The following MACROD2 variants were observed in gnomAD, a reference collection of about 807,000 sequenced individuals.
MACROD2 encodes the protein mono-ADP ribosylhydrolase 2, also known as ADP-ribose glycohydrolase MACROD2.
MACROD2 carries 36 observed loss-of-function variants against 70.4 expected under a neutral mutation model. The ratio of observed to expected loss-of-function variants is 0.51; its 90% CI spans 0.39 to 0.68. MACROD2 has a LOEUF of 0.68. Among genes scored for constraint, MACROD2 ranks in the 30% least tolerant of loss-of-function variants. MACROD2 has a pLI of 0.00. For missense variants in MACROD2, 496 were observed against 538.4 expected, an observed-to-expected ratio of 0.92 and a Z score of 0.78; for synonymous variants, 172 against 178.8, an observed-to-expected ratio of 0.96 and a Z score of 0.30.
chr20:15,478,544 T>C, intron 7 of MACROD2, among the ~76,000 whole-genome samples: 1 of 53,040 alleles, frequency 1.9e-5, no homozygotes, highest in Non-Finnish European at 3.3e-5. Context: ...CATGACTGTG[T>C]GTGTGTGTCT....
chr20:15,813,794 A>C (rs6131725), intron 8 of MACROD2, among the ~76,000 whole-genome samples: 31,758 of 151,992 alleles, frequency 0.21, 3,529 homozygotes, highest in East Asian at 0.33. Context: ...AACAACAACA[A>C]CACAATATCT....
chr20:14,564,973 A>G (rs1979685339), intron 4 of MACROD2, among the ~76,000 whole-genome samples: 1 of 151,968 alleles, frequency 6.6e-6, no homozygotes, highest in African/African-American at 2.4e-5. Flanking sequence ...AAAATATGGC[A>G]TATATATACC....
intron 15 of MACROD2, among the ~76,000 whole-genome samples, chr20:15,996,774 TACC>T (rs2066638056): frequency 6.6e-6 from 1 of 152,190 alleles, no homozygotes. Context: ...AAAAAATCAT[TACC>T]AAGACCAACA....
intron 13 of MACROD2, among the ~76,000 whole-genome samples, chr20:15,969,770 G>T (rs1023019680): frequency 3.3e-5 from 5 of 152,064 alleles, no homozygotes; most frequent in Non-Finnish European, 7.4e-5. Flanking sequence ...CAATTGGGCA[G>T]AAGCAATAGT....
intron 8 of MACROD2, among the ~76,000 whole-genome samples, chr20:15,620,439 T>G (rs1471510755): frequency 6.6e-6 from 1 of 152,158 alleles, no homozygotes; most frequent in African/African-American, 2.4e-5. Flanking sequence ...ATCTTGTTAG[T>G]TAACCTCTCT....
intron 3 of MACROD2, among the ~76,000 whole-genome samples, chr20:14,477,856 G>A (rs181112940): frequency 6.6e-6 from 1 of 152,168 alleles, no homozygotes; most frequent in Non-Finnish European, 1.5e-5. Context: ...TTATTGCACT[G>A]GAATTGAAAA....
chr20:14,827,202 T>A (rs752223003), intron 5 of MACROD2, among the ~76,000 whole-genome samples: 1 of 152,096 alleles, frequency 6.6e-6, no homozygotes. Context: ...TCCAACTACA[T>A]TAAAAAATTA....
chr20:14,337,719 T>C, intron 3 of MACROD2: 1 of 392,538 alleles, frequency 2.5e-6, no homozygotes, highest in East Asian at 3.6e-5. Context: ...TTCAGTGAGG[T>C]AACTGGATAA....
intron 3 of MACROD2, among the ~76,000 whole-genome samples, chr20:14,392,561 A>G (rs2083538464): frequency 6.6e-6 from 1 of 152,200 alleles, no homozygotes; most frequent in Non-Finnish European, 1.5e-5. Flanking sequence ...ATGGAAAATT[A>G]TTTAAAGATT....
intron 5 of MACROD2, among the ~76,000 whole-genome samples, chr20:14,838,142 G>C (rs2073050394): frequency 1.3e-5 from 2 of 151,960 alleles, no homozygotes; most frequent in South Asian, 4.1e-4. Flanking sequence ...TTTGTTTATT[G>C]TGTGTAAGTG....
intron 3 of MACROD2, among the ~76,000 whole-genome samples, chr20:14,230,631 T>TTATATATATATATATATATATATATATA (rs71190119): frequency 1.1e-5 from 1 of 94,256 alleles, no homozygotes; most frequent in African/African-American, 5.5e-5. Flanking sequence ...TCATTCATGT[T>TTATATATATATATATATATATATATATA]TATATATATA....
intron 5 of MACROD2, among the ~76,000 whole-genome samples, chr20:14,943,976 A>G (rs1339132636): frequency 1.3e-5 from 2 of 152,138 alleles, no homozygotes; most frequent in African/African-American, 2.4e-5. Flanking sequence ...TTTTACTATC[A>G]TATGGTAAAA....
At position 14,084,323 on chromosome 20, in the gene MACROD2, C is replaced by T. The variant is rs539777359; in HGVS notation, c.164-1298C>T. On this transcript the variant is annotated intron_variant, in intron 2 of 17. Coordinates refer to ENST00000684519, the MANE Select transcript of MACROD2 (RefSeq NM_001351661.2). The stretch of plus-strand genomic sequence containing the variant: ...CTCAGTGAGTGAATAGCAGTGTCTC[C>T]TCTCATTAAAAATTTATGCATATCA... Among the ~76,000 whole-genome samples the T allele has an allele frequency of 3.4e-4, 52 of 151,942 alleles. No individual in the cohort carries two copies. The South Asian group carries it at 4.4e-3, about 13-fold the overall frequency.
chr20:14,336,622 C>T (rs775670912), intron 3 of MACROD2, among the ~76,000 whole-genome samples: 3 of 152,214 alleles, frequency 2.0e-5, no homozygotes, highest in Non-Finnish European at 4.4e-5. Flanking sequence ...TTTCCTGCTA[C>T]CCCAAACTCA....
intron 2 of MACROD2, among the ~76,000 whole-genome samples, chr20:14,010,590 C>T (rs1219912051): frequency 1.3e-5 from 2 of 151,958 alleles, no homozygotes; most frequent in Admixed American, 6.6e-5. Context: ...CAAAAACAGT[C>T]TTGAATAATA....
chr20:14,482,124 C>T (rs372091898), intron 3 of MACROD2, among the ~76,000 whole-genome samples: 2 of 151,976 alleles, frequency 1.3e-5, no homozygotes, highest in Admixed American at 6.6e-5. Context: ...GAAGTTAGTT[C>T]GAACTTCTTG....
At chr20:14,316,149 G>A (rs902170886) in intron 3 of MACROD2, among the ~76,000 whole-genome samples, 1 of 152,098 alleles carries the variant, frequency 6.6e-6, no homozygotes, top group African/African-American at 2.4e-5. Flanking sequence ...AGATCTTGTA[G>A]GGAACCCAGA....
At chr20:14,025,048 A>T (rs1483334845) in intron 2 of MACROD2, among the ~76,000 whole-genome samples, 2 of 152,054 alleles carry the variant, frequency 1.3e-5, no homozygotes, top group Non-Finnish European at 2.9e-5. Flanking sequence ...CAGTTTCTGA[A>T]CTTGTTATGG....
chr20:15,401,194 C>T (rs1055541128), intron 6 of MACROD2, among the ~76,000 whole-genome samples: 2 of 152,056 alleles, frequency 1.3e-5, no homozygotes, highest in East Asian at 1.9e-4. Flanking sequence ...CCCACCACCA[C>T]GCCCGGCTAA....
Sources: gnomAD v4.1 joint callset for allele counts (sites outside exome capture counted in the v4.1 genomes callset) on GRCh38, gnomAD v4.1.1 for gene constraint, MANE v1.5 for transcripts, NCBI Gene and HGNC (gene_info 2026-07-23, HGNC 2026-07-21) for gene names.